The following PTPRT variants were observed in gnomAD, a reference collection of about 807,000 sequenced individuals.
The protein encoded by PTPRT is receptor-type tyrosine-protein phosphatase T.
PTPRT carries 56 observed loss-of-function variants against 176.8 expected under a neutral mutation model. The ratio of observed to expected loss-of-function variants is 0.32; its 90% CI spans 0.26 to 0.40. The LOEUF (loss-of-function observed/expected upper bound fraction) is 0.40, where lower values mean the gene tolerates loss of function less well. Among genes scored for constraint, PTPRT ranks in the 10% least tolerant of loss-of-function variants. The pLI is 1.00. For synonymous variants in PTPRT, 783 were observed against 739.0 expected (o/e 1.06, Z -0.96); for missense variants, 1,540 against 1,908.2 (o/e 0.81, Z 3.60).
chr20:42,120,404 T>G (rs949930790), intron 19 of PTPRT, among the ~76,000 whole-genome samples: 4 of 152,128 alleles, frequency 2.6e-5, no homozygotes, highest in African/African-American at 9.7e-5. Context: ...AGAAAACAAT[T>G]CAATTGTTGA....
At chr20:42,691,530 A>ATCTTCCCACAAACTG (rs1335882074) in intron 6 of PTPRT, among the ~76,000 whole-genome samples, 5 of 152,328 alleles carry the variant, frequency 3.3e-5, no homozygotes, top group African/African-American at 1.2e-4. Context: ...CAGATGGATT[A>ATCTTCCCACAAACTG]AGAGGCTTAT....
chr20:42,094,399 G>T (rs968503451), intron 27 of PTPRT, among the ~76,000 whole-genome samples: 1 of 152,036 alleles, frequency 6.6e-6, no homozygotes, highest in Non-Finnish European at 1.5e-5. Flanking sequence ...TATTGCTCAG[G>T]CCCCAATCAT....
intron 1 of PTPRT, among the ~76,000 whole-genome samples, chr20:43,082,515 ACACT>A (rs1225757088): frequency 1.3e-5 from 2 of 152,148 alleles, no homozygotes; most frequent in African/African-American, 2.4e-5. Flanking sequence ...TCTTTCACAC[ACACT>A]CACACACACA....
At chr20:42,655,094 A>G (rs1394023619) in intron 7 of PTPRT, among the ~76,000 whole-genome samples, 1 of 152,182 alleles carries the variant, frequency 6.6e-6, no homozygotes, top group African/African-American at 2.4e-5. Context: ...ATTTCAATGG[A>G]CCAAAAATGG....
intron 18 of PTPRT, among the ~76,000 whole-genome samples, chr20:42,131,238 G>C (rs1398822967): frequency 6.6e-6 from 1 of 152,176 alleles, no homozygotes; most frequent in African/African-American, 2.4e-5. Context: ...CATCCAGCAG[G>C]CTGGAATTCA....
rs1477813496 is a variant in PTPRT at position 42,814,606 on chromosome 20, T to C, written c.215-23140A>G. 2.6e-5 allele frequency among the ~76,000 whole-genome samples: 4 copies of C among 152,334 alleles called. No individual in the cohort carries two copies. In the South Asian group the frequency reaches 8.3e-4, roughly 32 times the overall value. On this transcript the variant is annotated intron_variant, in intron 2 of 30. Coordinates refer to ENST00000373187, the MANE Select transcript of PTPRT (RefSeq NM_007050.6). ...ACTTAAATCAGTCCTAGGAATCACG[T>C]AGCACATTCCATTTATTTTATAAAG...
chr20:42,382,698 G>A (rs1015846901), intron 9 of PTPRT, among the ~76,000 whole-genome samples: 7 of 152,086 alleles, frequency 4.6e-5, no homozygotes, highest in African/African-American at 7.2e-5. Flanking sequence ...GAGAATCGGG[G>A]TATGGTGGGG....
Position 42,078,873 on chromosome 20 carries a change from A to G in PTPRT, c.*2006T>C. 1 of 175,200 alleles carries G rather than the reference A, an allele frequency of 5.7e-6. No homozygotes were observed. The highest frequency in any genetic ancestry group is 1.2e-5 in the Non-Finnish European group (1 of 81,210). 10.9% of individuals were successfully genotyped at this position (175,200 alleles called of 1,614,324 possible). On this transcript the variant is annotated 3_prime_UTR_variant, in exon 31 of 31. Transcript: ENST00000373187. The stretch of plus-strand genomic sequence containing the variant: ...CCTTCTCCAGGAAGCCCGAGGCCGA[A>G]GAGACTTTCTTGCTCCTAGGCTCAT...
At chr20:43,017,438 C>G (rs1985429464) in intron 1 of PTPRT, among the ~76,000 whole-genome samples, 1 of 152,220 alleles carries the variant, frequency 6.6e-6, no homozygotes, top group Non-Finnish European at 1.5e-5. Flanking sequence ...CGGTCTTGCT[C>G]TCCATCTCTG....
chr20:42,123,156 T>C (rs977349860), intron 19 of PTPRT, among the ~76,000 whole-genome samples: 2 of 152,182 alleles, frequency 1.3e-5, no homozygotes, highest in African/African-American at 4.8e-5. Flanking sequence ...AGCATCCTCT[T>C]AATGCTCAGG....
chr20:42,201,730 C>CAAAAA (rs57007206), intron 15 of PTPRT, among the ~76,000 whole-genome samples: 3 of 74,052 alleles, frequency 4.1e-5, no homozygotes, highest in Non-Finnish European at 7.6e-5. Flanking sequence ...GAACCAGAGG[C>CAAAAA]AAAAAAAAAA....
At chr20:43,028,314 CT>C (rs1342487764) in intron 1 of PTPRT, among the ~76,000 whole-genome samples, 1 of 152,116 alleles carries the variant, frequency 6.6e-6, no homozygotes, top group Admixed American at 6.5e-5. Context: ...TGGAGTGTCC[CT>C]TTTGTCCTTG....
chr20:42,660,350 C>G (rs757967484), intron 7 of PTPRT, among the ~76,000 whole-genome samples: 4 of 152,136 alleles, frequency 2.6e-5, no homozygotes, highest in African/African-American at 7.2e-5. Context: ...AACTCCCATA[C>G]TCTCCCTCCC....
At chr20:42,878,686 C>T (rs2078970345) in intron 2 of PTPRT, among the ~76,000 whole-genome samples, 1 of 152,148 alleles carries the variant, frequency 6.6e-6, no homozygotes, top group East Asian at 1.9e-4. Flanking sequence ...GATGCCTAAC[C>T]CACTTCTTAG....
intron 9 of PTPRT, among the ~76,000 whole-genome samples, chr20:42,446,472 T>A (rs1302908661): frequency 1.3e-5 from 2 of 152,132 alleles, no homozygotes; most frequent in African/African-American, 4.8e-5. Flanking sequence ...GCACACAGCG[T>A]CTTTTACATA....
chr20:42,210,649 T>C (rs1207729331), intron 15 of PTPRT, among the ~76,000 whole-genome samples: 1 of 149,674 alleles, frequency 6.7e-6, no homozygotes, highest in East Asian at 2.0e-4. Flanking sequence ...TAAAAGAGGA[T>C]ACAAACAAAT....
chr20:42,614,839 G>A (rs529138858), intron 7 of PTPRT, among the ~76,000 whole-genome samples: 2 of 151,968 alleles, frequency 1.3e-5, no homozygotes, highest in Non-Finnish European at 2.9e-5. Flanking sequence ...GCAAGGAAGA[G>A]CAAGTCACAT....
At chr20:42,882,834 C>T (rs990089681) in intron 2 of PTPRT, among the ~76,000 whole-genome samples, 6 of 152,178 alleles carry the variant, frequency 3.9e-5, no homozygotes, top group African/African-American at 1.2e-4. Flanking sequence ...CAAGGTGCAA[C>T]GGGAACCATT....
chr20:43,055,799 T>C (rs1987210405), intron 1 of PTPRT, among the ~76,000 whole-genome samples: 1 of 152,140 alleles, frequency 6.6e-6, no homozygotes, highest in Non-Finnish European at 1.5e-5. Flanking sequence ...CCATTTACAA[T>C]AGCAGTTGTA....
Sources: gnomAD v4.1 joint callset for allele counts (sites outside exome capture counted in the v4.1 genomes callset) on GRCh38, gnomAD v4.1.1 for gene constraint, MANE v1.5 for transcripts, NCBI Gene and HGNC (gene_info 2026-07-23, HGNC 2026-07-21) for gene names.